Variants in GRID2 observed in about 807,000 individuals in gnomAD.
The protein encoded by GRID2 is glutamate receptor ionotropic, delta-2.
GRID2 carries 33 observed loss-of-function variants against 114.8 expected under a neutral mutation model. The observed-to-expected ratio is 0.29, with a 90% CI of 0.22 to 0.38. GRID2 has a LOEUF of 0.38. Among genes scored for constraint, GRID2 ranks in the 10% least tolerant of loss-of-function variants. GRID2 has a pLI of 1.00. For missense variants in GRID2, 1,184 were observed against 1,257.7 expected (o/e 0.94, Z 0.89); for synonymous variants, 505 against 449.9 (o/e 1.12, Z -1.55).
chr4:92,938,047 A>C (rs2149530398), intron 2 of GRID2, among the ~76,000 whole-genome samples: 1 of 146,922 alleles, frequency 6.8e-6, no homozygotes, highest in South Asian at 2.3e-4. Context: ...ATTGTTTTTA[A>C]GATGAAATAA....
At chr4:92,398,598 C>T (rs1730624336) in intron 1 of GRID2, among the ~76,000 whole-genome samples, 1 of 152,168 alleles carries the variant, frequency 6.6e-6, no homozygotes, top group Admixed American at 6.6e-5. Flanking sequence ...TGCTCCCAAT[C>T]ACTTATTTTT....
intron 8 of GRID2, among the ~76,000 whole-genome samples, chr4:93,284,722 T>C (rs58789946): frequency 0.05 from 7,641 of 151,866 alleles, 648 homozygotes; most frequent in African/African-American, 0.17. Flanking sequence ...ACAGAATGTA[T>C]ACATTATATA....
chr4:92,385,669 A>G (rs1729913026), intron 1 of GRID2, among the ~76,000 whole-genome samples: 1 of 151,414 alleles, frequency 6.6e-6, no homozygotes, highest in South Asian at 2.1e-4. Context: ...AGTAGAATTC[A>G]TGAATTATTA....
chr4:92,702,813 C>G (rs1457671653), intron 2 of GRID2, among the ~76,000 whole-genome samples: 2 of 151,676 alleles, frequency 1.3e-5, no homozygotes, highest in African/African-American at 2.4e-5. Flanking sequence ...CTTGTAATTC[C>G]CAAGTACTTT....
chr4:92,930,012 C>T lies in GRID2; in HGVS notation c.245-154983C>T, dbSNP rs996968166. ...TTTCTGGTGAAAATATGGGAAACTCCTTCTCCCTCCCTCCATCTTGGCCTT... is the reference window on the plus strand; with the variant it reads ...TTTCTGGTGAAAATATGGGAAACTCTTTCTCCCTCCCTCCATCTTGGCCTT... On this transcript the variant is annotated intron_variant, in intron 2 of 15. Transcript: ENST00000282020. Among the ~76,000 whole-genome samples the T allele has an allele frequency of 2.6e-5, 4 of 151,210 alleles. No homozygotes were observed. The East Asian group carries it at 7.7e-4, about 29-fold the overall frequency.
chr4:92,600,044 G>GTCTATATA (rs1206780169), intron 2 of GRID2, among the ~76,000 whole-genome samples: 1 of 54,456 alleles, frequency 1.8e-5, no homozygotes, highest in Non-Finnish European at 3.4e-5. Context: ...GTGTGTGTGT[G>GTCTATATA]TATATATATA....
intron 1 of GRID2, among the ~76,000 whole-genome samples, chr4:92,340,356 T>C (rs1394183858): frequency 6.6e-6 from 1 of 152,146 alleles, no homozygotes; most frequent in East Asian, 1.9e-4. Flanking sequence ...CCAAAGTAAA[T>C]TTGTATGATG....
intron 1 of GRID2, among the ~76,000 whole-genome samples, chr4:92,445,286 T>C (rs1733394021): frequency 6.6e-6 from 1 of 152,216 alleles, no homozygotes; most frequent in African/African-American, 2.4e-5. Context: ...ATAATCACAA[T>C]GTCGTGCTGC....
intron 1 of GRID2, among the ~76,000 whole-genome samples, chr4:92,567,436 T>A (rs34529116): frequency 0.21 from 32,222 of 151,994 alleles, 3,780 homozygotes; most frequent in South Asian, 0.29. Context: ...TATTTGAATA[T>A]CTATAGCATT....
At chr4:92,984,153 A>G (rs899302551) in intron 2 of GRID2, among the ~76,000 whole-genome samples, 2 of 152,196 alleles carry the variant, frequency 1.3e-5, no homozygotes, top group Admixed American at 1.3e-4. Context: ...AGTTTACATG[A>G]TATATAAAAA....
chr4:93,046,725 G>T (rs1265618197), intron 2 of GRID2, among the ~76,000 whole-genome samples: 1 of 151,812 alleles, frequency 6.6e-6, no homozygotes, highest in Non-Finnish European at 1.5e-5. Context: ...CTTTTTGAAT[G>T]CACTAAGCAA....
intron 4 of GRID2, among the ~76,000 whole-genome samples, chr4:93,122,358 A>T (rs1157067971): frequency 2.6e-5 from 4 of 152,196 alleles, no homozygotes; most frequent in African/African-American, 9.6e-5. Flanking sequence ...GGAAAGAATA[A>T]TAGAAGCTTC....
intron 10 of GRID2, among the ~76,000 whole-genome samples, chr4:93,444,290 A>C (rs908379100): frequency 6.6e-6 from 1 of 152,012 alleles, no homozygotes; most frequent in African/African-American, 2.4e-5. Context: ...AATTGTTCCT[A>C]TAAGGACTTT....
intron 2 of GRID2, among the ~76,000 whole-genome samples, chr4:92,603,430 CAAAT>C (rs1729314339): frequency 6.6e-6 from 1 of 151,906 alleles, no homozygotes; most frequent in Non-Finnish European, 1.5e-5. Context: ...AAACCTGACA[CAAAT>C]AAGCAATGGG....
At chr4:92,445,334 C>T (rs1221705304) in intron 1 of GRID2, among the ~76,000 whole-genome samples, 1 of 152,176 alleles carries the variant, frequency 6.6e-6, no homozygotes, top group East Asian at 1.9e-4. Context: ...CAATCTTTGC[C>T]TTCACCCTTC....
chr4:93,777,564 C>G (rs1205337348), downstream of GRID2, among the ~76,000 whole-genome samples: 1 of 152,162 alleles, frequency 6.6e-6, no homozygotes, highest in East Asian at 1.9e-4. Context: ...GAAGGAGGAC[C>G]TGGTTTTCTT....
chr4:93,694,286 C>T (rs977579408), intron 14 of GRID2, among the ~76,000 whole-genome samples: 1 of 152,256 alleles, frequency 6.6e-6, no homozygotes, highest in South Asian at 2.1e-4. Flanking sequence ...TGTACCCAAC[C>T]AACCTCCTCA....
chr4:92,325,821 T>C (rs980459456), intron 1 of GRID2, among the ~76,000 whole-genome samples: 4 of 151,840 alleles, frequency 2.6e-5, no homozygotes, highest in African/African-American at 4.8e-5. Flanking sequence ...TTTAAAGTCA[T>C]AATCTCTTCA....
chr4:92,617,758 G>T (rs1730072424), intron 2 of GRID2, among the ~76,000 whole-genome samples: 1 of 151,680 alleles, frequency 6.6e-6, no homozygotes, highest in Non-Finnish European at 1.5e-5. Context: ...CTGATGATTA[G>T]TGATAGTGAG....
Sources: allele counts gnomAD v4.1 joint callset (sites outside exome capture counted in the v4.1 genomes callset), GRCh38; gene constraint gnomAD v4.1.1; transcripts MANE v1.5; gene names NCBI Gene and HGNC (gene_info 2026-07-23, HGNC 2026-07-21).